ANO1: variants seen among roughly 807,000 people sequenced by gnomAD.
The protein encoded by ANO1 is anoctamin 1, also known as anoctamin-1.
Under a neutral mutation model 124.0 loss-of-function variants are expected in ANO1, and 59 were observed. The ratio of observed to expected loss-of-function variants is 0.48; its 90% CI spans 0.39 to 0.59. ANO1 has a LOEUF of 0.59. ANO1 is among the 20% of genes least tolerant of loss of function. The probability of loss-of-function intolerance (pLI) is 0.00; values close to 1 mark genes in which losing one functional copy is unlikely to be tolerated. For missense variants in ANO1, 1,059 were observed against 1,328.0 expected (o/e 0.80, Z 3.15); for synonymous variants, 529 against 532.0 (o/e 0.99, Z 0.08).
At chr11:70,101,524 C>G (rs1397012492) in intron 2 of ANO1, among the ~76,000 whole-genome samples, 1 of 146,120 alleles carries the variant, frequency 6.8e-6, no homozygotes, top group Non-Finnish European at 1.5e-5. Context: ...CCACTGCATT[C>G]CAGCCTGGGA....
intron 1 of ANO1, among the ~76,000 whole-genome samples, chr11:70,081,396 T>A (rs956494744): frequency 1.3e-5 from 2 of 152,220 alleles, no homozygotes; most frequent in African/African-American, 4.8e-5. Flanking sequence ...CTGTGGGAGA[T>A]GATCTGCTTG....
intron 1 of ANO1, among the ~76,000 whole-genome samples, chr11:70,039,899 T>TC (rs1394510492): frequency 6.6e-6 from 1 of 151,926 alleles, no homozygotes; most frequent in African/African-American, 2.4e-5. Flanking sequence ...GATTCATAAA[T>TC]CCCCCCTTAA....
rs752482545 is a variant in ANO1 at position 70,105,710 on chromosome 11, GTTTCCTTCCCGATA to G, written c.693-18_693-5del. On this transcript the variant is annotated splice_polypyrimidine_tract_variant and intron_variant, in intron 4 of 25. Transcript: ENST00000355303. The stretch of plus-strand genomic sequence containing the variant: ...TGCCAGCTCTGGTGAACTGTGTCTT[GTTTCCTTCCCGATA>G]TTTCCACAGATTTGACTTGTCTGAT... 3.7e-6 allele frequency: 6 copies of G among 1,612,208 alleles called. No individual in the cohort carries two copies. The South Asian group carries it at 6.6e-5, about 18-fold the overall frequency.
chr11:69,982,317 G>T (rs1314675209), upstream of ANO1, among the ~76,000 whole-genome samples: 1 of 152,116 alleles, frequency 6.6e-6, no homozygotes, highest in African/African-American at 2.4e-5. Flanking sequence ...CTGTCTGGGT[G>T]CCCACTTCTC....
At chr11:70,103,852 C>A in intron 3 of ANO1, 147 bp from the exon 4 acceptor site, 1 of 766,160 alleles carries the variant, frequency 1.3e-6, no homozygotes, top group Non-Finnish European at 2.0e-6. Context: ...CGGGGTGGGG[C>A]GGTGCATTCT....
At chr11:70,160,367 G>A (rs573124783) in intron 16 of ANO1, among the ~76,000 whole-genome samples, 2 of 152,296 alleles carry the variant, frequency 1.3e-5, no homozygotes, top group Admixed American at 1.3e-4. Flanking sequence ...GCGGGGCAGG[G>A]CAGGGTGAGG....
chr11:70,087,590 G>A (rs2509132), intron 1 of ANO1, among the ~76,000 whole-genome samples, 162 bp from the exon 2 acceptor site: 34,933 of 152,108 alleles, frequency 0.23, 4,159 homozygotes, highest in South Asian at 0.33. Context: ...GTTCCCAGGT[G>A]TATCTCAGGC....
intron 1 of ANO1, among the ~76,000 whole-genome samples, chr11:70,056,767 C>A (rs1310710555): frequency 2.6e-5 from 4 of 151,432 alleles, no homozygotes; most frequent in African/African-American, 9.7e-5. Flanking sequence ...GTTCCAACTG[C>A]ACATAGGTTA....
At chr11:70,105,584 G>A in intron 4 of ANO1, 150 bp from the exon 5 acceptor site, 1 of 693,052 alleles carries the variant, frequency 1.4e-6, no homozygotes, top group Non-Finnish European at 2.5e-6. Flanking sequence ...ATGCCCAGGG[G>A]CGGACGGGTC....
In ANO1 at chr11:70,139,692, A is replaced by G. The variant is rs533326722; in HGVS notation, c.1258+7613A>G. 3.3e-5 allele frequency among the ~76,000 whole-genome samples: 5 copies of G among 152,324 alleles called. No homozygotes were observed. In the East Asian group the frequency reaches 5.8e-4, roughly 18 times the overall value. The stretch of plus-strand genomic sequence containing the variant: ...TTGTTGATTCCATGTCTTTGCTCTC[A>G]TAAGTAATGCTGCAGTAAACATATG... On this transcript the variant is annotated intron_variant, in intron 11 of 25. Transcript: ENST00000355303.
At chr11:70,103,376 G>A (rs927236540) in intron 3 of ANO1, among the ~76,000 whole-genome samples, 6 of 151,976 alleles carry the variant, frequency 3.9e-5, no homozygotes, top group African/African-American at 1.5e-4. Context: ...ACCCAACCCT[G>A]GGTGATCTTT....
intron 2 of ANO1, among the ~76,000 whole-genome samples, chr11:70,100,752 G>A (rs1182713505): frequency 6.6e-6 from 1 of 152,242 alleles, no homozygotes; most frequent in South Asian, 2.1e-4. Context: ...AGGATAAAAT[G>A]AGTTGATATG....
At chr11:70,163,763 C>G (rs2048145485) in intron 19 of ANO1, among the ~76,000 whole-genome samples, 1 of 151,902 alleles carries the variant, frequency 6.6e-6, no homozygotes, top group African/African-American at 2.4e-5. Flanking sequence ...ATGGTGAAAC[C>G]CCATCTCTAC....
At chr11:70,047,785 G>T (rs1478252518) in intron 1 of ANO1, among the ~76,000 whole-genome samples, 1 of 152,204 alleles carries the variant, frequency 6.6e-6, no homozygotes, top group East Asian at 1.9e-4. Context: ...AGTCCCCATA[G>T]GTCCTGCCTT....
chr11:69,969,612 G>A, the ANO1 span, among the ~76,000 whole-genome samples: 5 of 152,120 alleles, frequency 3.3e-5, no homozygotes, highest in Non-Finnish European at 7.4e-5. Context: ...TGCGGCTGCC[G>A]GGTCGCAGGG....
At position 69,990,950 on chromosome 11, in the gene ANO1, C is replaced by T. The variant is rs567995662; in HGVS notation, c.58+4784C>T. Among the ~76,000 whole-genome samples the T allele has an allele frequency of 5.9e-4, 90 of 152,252 alleles. 1 individual carries two copies. Among genetic ancestry groups the T allele is most frequent in the African/African-American group, 2.1e-3 (87 of 41,562 alleles). On this transcript the variant is annotated intron_variant, in intron 1 of 27. Coordinates refer to the ANO1 transcript ENST00000531349. ...TTTCTCCATAATGTCCTTTGATGTA[C>T]AAAATTTTTAATTTTCATGAAGCCC...
At chr11:70,074,016 A>G (rs782335384), upstream of ANO1, among the ~76,000 whole-genome samples, 1 of 151,844 alleles carries the variant, frequency 6.6e-6, no homozygotes, top group African/African-American at 2.4e-5. Flanking sequence ...CCCGCCCACC[A>G]TATCTCAGTT....
At chr11:70,082,888 C>T (rs997052475) in intron 1 of ANO1, among the ~76,000 whole-genome samples, 14 of 152,206 alleles carry the variant, frequency 9.2e-5, no homozygotes, top group Non-Finnish European at 1.6e-4. Flanking sequence ...AGGAGCCTCC[C>T]AGCCTTTTAG....
In ANO1 at chr11:70,078,667, A is replaced by G; in HGVS notation, c.61A>G (p.Asn21Asp). 6.7e-7 allele frequency: 1 copy of G among 1,500,498 alleles called. No homozygotes were observed. The highest frequency in any genetic ancestry group is 9.0e-7 in the Non-Finnish European group (1 of 1,114,220). 92.9% of individuals were successfully genotyped at this position (1,500,498 alleles called of 1,614,324 possible). A position where few individuals can be genotyped will look rare whatever the true frequency, so the allele number is the denominator to read the frequency against. ...CGAGGACCGCAGCGTCCACATCATC[A>G]ACATCTGCGCCATCGAGGACATCGG... ...PAEDRSVHII[N>D]ICAIEDIGYL... The change falls in exon 1 of 26, where the codon AAC becomes GAC. Residue 21 changes from asparagine (N) to aspartate (D), a missense_variant. Around this residue, in one of 2 missense-constraint regions of ANO1, gnomAD observed 250 missense variants for 233.1 expected, o/e 1.07. Transcript: ENST00000355303.
Sources: allele counts gnomAD v4.1 joint callset (sites outside exome capture counted in the v4.1 genomes callset), GRCh38; gene constraint gnomAD v4.1.1; regional missense constraint gnomAD v4.1.1; transcripts MANE v1.5; gene names NCBI Gene and HGNC (gene_info 2026-07-23, HGNC 2026-07-21).